GAB1: variants seen among roughly 807,000 people sequenced by gnomAD.
The protein encoded by GAB1 is GRB2-associated-binding protein 1.
A neutral mutation model predicts 66.5 loss-of-function variants in GAB1; 19 were observed. The observed-to-expected ratio is 0.29, with a 90% CI of 0.20 to 0.42. The LOEUF is 0.42. Among genes scored for constraint, GAB1 ranks in the 10% least tolerant of loss-of-function variants. The pLI, the probability that GAB1 is intolerant of heterozygous loss-of-function variation, is 1.00. For missense variants in GAB1, 732 were observed against 858.5 expected (o/e 0.85, Z 1.84); for synonymous variants, 294 against 301.4 (o/e 0.98, Z 0.25).
intron 2 of GAB1, chr4:143,426,128 T>G (rs1038731429): frequency 4.4e-6 from 2 of 453,036 alleles, no homozygotes; most frequent in Non-Finnish European, 7.8e-6. Flanking sequence ...ACCTTCTATT[T>G]ACTCAGGCCA....
At position 143,413,824 on chromosome 4, in the gene GAB1, C is replaced by CCTTTTTTTTTTTTTTTTTT. The variant is rs61697817; in HGVS notation, c.73-1653_73-1652insCTTTTTTTTTTTTTTTTTT. Among the ~76,000 whole-genome samples, 77 of 67,824 alleles carry CCTTTTTTTTTTTTTTTTTT rather than the reference C, an allele frequency of 1.1e-3. 7 individuals carry two copies. The highest frequency in any genetic ancestry group is 7.1e-3 in the African/African-American group (75 of 10,618). The allele number at this position is 67,824 out of a possible 152,430, so 44.5% of individuals were successfully genotyped here. Reference sequence around the variant, plus strand: ...AGAGCATCCCCACCACCCCGCTGCCCTTTTTTTTTTTTTTTTTTTTTTTTG... The same window carrying CCTTTTTTTTTTTTTTTTTT: ...AGAGCATCCCCACCACCCCGCTGCCCCTTTTTTTTTTTTTTTTTTTTTTTTTTTTTTTTTTTTTTTTTTG... On this transcript the variant is annotated intron_variant, in intron 1 of 9. Coordinates refer to ENST00000262994, the MANE Select transcript of GAB1 (RefSeq NM_002039.4).
At chr4:143,360,363 T>C (rs1367037272) in intron 1 of GAB1, among the ~76,000 whole-genome samples, 1 of 152,244 alleles carries the variant, frequency 6.6e-6, no homozygotes, top group African/African-American at 2.4e-5. Context: ...AAAAATACTT[T>C]GTTTCCATTC....
intron 1 of GAB1, among the ~76,000 whole-genome samples, chr4:143,382,258 A>G (rs1730687487): frequency 6.6e-6 from 1 of 152,218 alleles, no homozygotes; most frequent in Non-Finnish European, 1.5e-5. Flanking sequence ...TAAGGCAGGT[A>G]GAATTTCTCA....
chr4:143,404,500 T>G (rs1731940179), intron 1 of GAB1, among the ~76,000 whole-genome samples: 2 of 152,258 alleles, frequency 1.3e-5, no homozygotes, highest in Non-Finnish European at 2.9e-5. Context: ...GCTTCAGCAA[T>G]TGATCTTGCT....
At chr4:143,457,637 A>C (rs1257716519) in intron 6 of GAB1, 2 of 775,608 alleles carry the variant, frequency 2.6e-6, no homozygotes, top group Non-Finnish European at 3.8e-6. Context: ...TTTCCAATTA[A>C]TAAATAACAT....
At chr4:143,405,346 TA>T (rs1243433876) in intron 1 of GAB1, among the ~76,000 whole-genome samples, 1 of 152,232 alleles carries the variant, frequency 6.6e-6, no homozygotes, top group Non-Finnish European at 1.5e-5. Flanking sequence ...TGTAGGTTCC[TA>T]ATATTAACAT....
At position 143,417,977 on chromosome 4, in the gene GAB1, A is replaced by C. The variant is rs1210309328; in HGVS notation, c.367+2206A>C. 6.6e-5 allele frequency among the ~76,000 whole-genome samples: 10 copies of C among 152,328 alleles called. No individual in the cohort carries two copies. In the East Asian group the frequency reaches 1.9e-3, roughly 29 times the overall value. ...GTTAATAATCAACACCAAGATTCGG[A>C]TTGAAGTGGAGCTAATCATCTCTAA... On this transcript the variant is annotated intron_variant, in intron 2 of 9. Coordinates refer to ENST00000262994, the MANE Select transcript of GAB1 (RefSeq NM_002039.4).
chr4:143,428,790 T>C (rs534272853), intron 2 of GAB1, among the ~76,000 whole-genome samples: 151 of 141,206 alleles, frequency 1.1e-3, no homozygotes, highest in South Asian at 3.1e-3. Context: ...TAAGTAGGAA[T>C]TGAACAATGA....
intron 3 of GAB1, among the ~76,000 whole-genome samples, chr4:143,436,011 C>T (rs973691740): frequency 1.3e-5 from 2 of 152,162 alleles, no homozygotes; most frequent in Non-Finnish European, 2.9e-5. Flanking sequence ...AGGAGCTTTA[C>T]TTATTACTCA....
At chr4:143,340,849 C>G (rs754440999) in intron 1 of GAB1, among the ~76,000 whole-genome samples, 24 of 152,160 alleles carry the variant, frequency 1.6e-4, no homozygotes, top group Non-Finnish European at 1.8e-4. Flanking sequence ...ATATGGCCCC[C>G]AATGTATTCC....
intron 9 of GAB1, among the ~76,000 whole-genome samples, chr4:143,467,278 T>C (rs2149800013): frequency 6.6e-6 from 1 of 152,222 alleles, no homozygotes; most frequent in East Asian, 1.9e-4. Context: ...TTGTAGATAA[T>C]GTCTTTTCTG....
chr4:143,448,727 C>G (rs924917750), intron 6 of GAB1, among the ~76,000 whole-genome samples: 1 of 151,414 alleles, frequency 6.6e-6, no homozygotes, highest in African/African-American at 2.4e-5. Flanking sequence ...TTTGTTGATC[C>G]TTTCAAAAAA....
At chr4:143,454,178 G>A (rs1379749894) in intron 6 of GAB1, among the ~76,000 whole-genome samples, 2 of 152,154 alleles carry the variant, frequency 1.3e-5, no homozygotes, top group South Asian at 2.1e-4. Context: ...AAACACATCC[G>A]TATTCTTATG....
chr4:143,464,977 T>C (rs1735704565), intron 8 of GAB1, among the ~76,000 whole-genome samples: 3 of 152,234 alleles, frequency 2.0e-5, no homozygotes, highest in African/African-American at 4.8e-5. Flanking sequence ...TTTTTAACTT[T>C]GTTAAATCAT....
intron 1 of GAB1, among the ~76,000 whole-genome samples, chr4:143,380,177 TG>T (rs200163539): frequency 1.3e-5 from 2 of 151,856 alleles, no homozygotes; most frequent in African/African-American, 4.8e-5. Flanking sequence ...ATTCATAAAA[TG>T]AGAATATTGA....
intron 1 of GAB1, among the ~76,000 whole-genome samples, chr4:143,369,449 T>G (rs1331047752): frequency 6.6e-6 from 1 of 152,182 alleles, no homozygotes; most frequent in Non-Finnish European, 1.5e-5. Context: ...GAAAAGACAA[T>G]GTTTTTACAC....
At chr4:143,412,015 C>T (rs72949180) in intron 1 of GAB1, among the ~76,000 whole-genome samples, 9,852 of 152,186 alleles carry the variant, frequency 0.065, 418 homozygotes, top group African/African-American at 0.11. Context: ...TAAGGGTTCA[C>T]GTCTTGTATA....
chr4:143,378,324 A>G (rs1730501710), intron 1 of GAB1, among the ~76,000 whole-genome samples: 1 of 152,206 alleles, frequency 6.6e-6, no homozygotes, highest in Non-Finnish European at 1.5e-5. Context: ...CGCAAGCCTC[A>G]GTTTCTTTTA....
At position 143,439,898 on chromosome 4, in the gene GAB1, T is replaced by C; in HGVS notation, c.1281+11T>C. The C allele has an allele frequency of 6.3e-7, 1 of 1,589,568 alleles. No individual in the cohort carries two copies. Among genetic ancestry groups the C allele is most frequent in the Non-Finnish European group, 8.6e-7 (1 of 1,157,680 alleles). On this transcript the variant is annotated intron_variant, in intron 5 of 9. Transcript: ENST00000262994. ...TTCCATAACCACTTTGTAAGTATAA[T>C]TGACCTTGGCATCATCAAGTGTATT... is the stretch of plus-strand genomic sequence containing the variant.
Sources: allele counts gnomAD v4.1 joint callset (sites outside exome capture counted in the v4.1 genomes callset), GRCh38; gene constraint gnomAD v4.1.1; transcripts MANE v1.5; gene names NCBI Gene and HGNC (gene_info 2026-07-23, HGNC 2026-07-21).